Variants in C1orf116 observed in about 807,000 individuals in gnomAD.
C1orf116 encodes the protein specifically androgen-regulated gene protein.
Under a neutral mutation model 14.1 loss-of-function variants are expected in C1orf116, and 12 were observed. The observed-to-expected ratio is 0.85, with a 90% CI of 0.54 to 1.38. The LOEUF is 1.38. C1orf116 is among the 40% of genes most tolerant of loss of function. The pLI is 0.00. For synonymous variants in C1orf116, 296 were observed against 299.0 expected, an observed-to-expected ratio of 0.99 and a Z score of 0.10; for missense variants, 797 against 747.0, an observed-to-expected ratio of 1.07 and a Z score of -0.78.
chr1:207,028,011 G>A (rs979177045), intron 1 of C1orf116, among the ~76,000 whole-genome samples: 1 of 152,196 alleles, frequency 6.6e-6, no homozygotes, highest in Admixed American at 6.5e-5. Flanking sequence ...CTTGGGTTCT[G>A]GAGTTAGTTG....
At chr1:207,024,379 T>C (rs956063352) in intron 3 of C1orf116, among the ~76,000 whole-genome samples, 8 of 152,228 alleles carry the variant, frequency 5.3e-5, no homozygotes, top group Non-Finnish European at 1.2e-4. Context: ...CACTTGTGTG[T>C]TGTTTTGTTC....
intron 3 of C1orf116, 125 bp downstream of exon 3, chr1:207,024,762 T>A (rs1257604678): frequency 8.3e-7 from 1 of 1,202,732 alleles, no homozygotes; most frequent in East Asian, 2.4e-5. Context: ...TGGTGAGGAG[T>A]GTGGCTACAC....
intron 1 of C1orf116, 67 bp downstream of exon 1, chr1:207,032,512 C>A (rs1187191892): frequency 2.1e-6 from 2 of 965,684 alleles, no homozygotes; most frequent in Admixed American, 6.2e-5. Flanking sequence ...CCCTGTAGCT[C>A]TGATTTCCCA....
rs781554923 is a variant in C1orf116, at chr1:207,022,056, G to A, written c.1708C>T (p.Pro570Ser). The A allele has an allele frequency of 5.6e-6, 9 of 1,606,866 alleles. No individual in the cohort carries two copies. The highest frequency in any genetic ancestry group is 7.6e-6 in the Non-Finnish European group (9 of 1,176,736). Reference sequence around the variant, plus strand: ...TTGACACTGACACAGGGGGGGCGAGGAAGCTTGTCACGGCTCTGTCCTTGG... The same window carrying A: ...TTGACACTGACACAGGGGGGGCGAGAAAGCTTGTCACGGCTCTGTCCTTGG... ...SYQGQSRDKL[P>S]RPPCVSVKIS... The change falls in exon 4 of 4, where the codon CCT becomes TCT. Residue 570 changes from proline (P) to serine (S), a missense_variant. By Grantham distance (74) the Pro-to-Ser change is moderately conservative. Coordinates refer to ENST00000359470, the MANE Select transcript of C1orf116 (RefSeq NM_023938.6).
Position 207,019,806 on chromosome 1 carries a change from A to G in C1orf116, c.*2152T>C, listed in dbSNP as rs1681779478. 1 of 152,214 alleles carries G rather than the reference A, an allele frequency of 6.6e-6. No individual in the cohort carries two copies. The highest frequency in any genetic ancestry group is 2.4e-5 in the African/African-American group (1 of 41,446). 9.4% of individuals were successfully genotyped at this position (152,214 alleles called of 1,614,324 possible). A position where few individuals can be genotyped will look rare whatever the true frequency, so the allele number is the denominator to read the frequency against. The stretch of plus-strand genomic sequence containing the variant: ...CAGTAGGATGAGGATGCCTAGTGGC[A>G]GGTGCAGGATGTCTGTGACTTTGTC... On this transcript the variant is annotated 3_prime_UTR_variant, in exon 4 of 4. Transcript: ENST00000359470.
chr1:207,027,622 G>T lies in C1orf116; in HGVS notation c.-24C>A. On this transcript the variant is annotated 5_prime_UTR_variant, in exon 2 of 4. Coordinates refer to ENST00000359470, the MANE Select transcript of C1orf116 (RefSeq NM_023938.6). The stretch of plus-strand genomic sequence containing the variant: ...ATCACCCGAAACAAGGTGCAGGGAT[G>T]GCAAAGGGGGCTTCTAGAGGGGAAG... 1 of 1,608,622 alleles carries T rather than the reference G, an allele frequency of 6.2e-7. No individual in the cohort carries two copies. The highest frequency in any genetic ancestry group is 8.5e-7 in the Non-Finnish European group (1 of 1,179,370).
At chr1:207,024,567 C>G (rs1214781334) in intron 3 of C1orf116, among the ~76,000 whole-genome samples, 2 of 152,232 alleles carry the variant, frequency 1.3e-5, no homozygotes, top group African/African-American at 2.4e-5. Context: ...ACCACCCAGC[C>G]CTCCCTGACT....
At chr1:207,031,132 T>C (rs1682231726) in intron 1 of C1orf116, among the ~76,000 whole-genome samples, 1 of 152,210 alleles carries the variant, frequency 6.6e-6, no homozygotes, top group South Asian at 2.1e-4. Context: ...AATCCAGGTG[T>C]CTTTGCTTCT....
Position 207,023,012 on chromosome 1 carries a change from G to A in C1orf116, c.752C>T (p.Ala251Val). Residue 251 changes from alanine (A) to valine (V), a missense_variant, in exon 4 of 4, where the codon GCC becomes GTC. By Grantham distance (64) the Ala-to-Val change is moderately conservative. Coordinates refer to ENST00000359470, the MANE Select transcript of C1orf116 (RefSeq NM_023938.6). The stretch of plus-strand genomic sequence containing the variant: ...GTACCTGGTTGAGACTGTTTCCTTG[G>A]CTTTTTGGGACATGGCTTCTGAAGG... The part of the protein sequence containing the change: ...QTPSEAMSQK[A>V]KETVSTRYTQ... The A allele has an allele frequency of 6.2e-7, 1 of 1,613,896 alleles. No homozygotes were observed. The highest frequency in any genetic ancestry group is 8.5e-7 in the Non-Finnish European group (1 of 1,180,020).
At chr1:207,029,108 T>C (rs1013630441) in intron 1 of C1orf116, among the ~76,000 whole-genome samples, 2 of 151,960 alleles carry the variant, frequency 1.3e-5, no homozygotes, top group Non-Finnish European at 2.9e-5. Flanking sequence ...CAGCTTTCCA[T>C]CCCTATAGAG....
At chr1:207,027,429 G>A in intron 2 of C1orf116, 65 bp downstream of exon 2, 1 of 1,564,858 alleles carries the variant, frequency 6.4e-7, no homozygotes, top group East Asian at 2.3e-5. Context: ...AAAGGATAGG[G>A]CAGGGCAGGG....
At chr1:207,030,333 G>T (rs1377196570) in intron 1 of C1orf116, among the ~76,000 whole-genome samples, 1 of 152,120 alleles carries the variant, frequency 6.6e-6, no homozygotes. Context: ...CTGGATGCAA[G>T]AGGGGCATGC....
Position 207,027,696 on chromosome 1 carries a change from C to T in C1orf116, c.-81-17G>A. The T allele has an allele frequency of 6.5e-7, 1 of 1,533,222 alleles. No homozygotes were observed. Among genetic ancestry groups the T allele is most frequent in the South Asian group, 1.2e-5 (1 of 82,914 alleles). The allele number at this position is 1,533,222 out of a possible 1,614,324, so 95.0% of individuals were successfully genotyped here. Reference sequence around the variant, plus strand: ...AAGCCGGGCCTGAAAAGAGAAGAATCAAAGCCACACATGAGCCGAGGCTTC... The same window carrying T: ...AAGCCGGGCCTGAAAAGAGAAGAATTAAAGCCACACATGAGCCGAGGCTTC... On this transcript the variant is annotated splice_polypyrimidine_tract_variant and intron_variant, in intron 1 of 3. Transcript: ENST00000359470.
intron 1 of C1orf116, among the ~76,000 whole-genome samples, chr1:207,028,401 T>C (rs991920301): frequency 2.0e-5 from 3 of 152,232 alleles, no homozygotes; most frequent in Non-Finnish European, 2.9e-5. Flanking sequence ...AATTGTCACC[T>C]GCTATCACAG....
In C1orf116 at chr1:207,023,425, C is replaced by T; in HGVS notation, c.339G>A (p.Glu113=). Residue 113 remains glutamate (E), a synonymous_variant, in exon 4 of 4, where the codon GAG becomes GAA. Transcript: ENST00000359470. ...QQGRTPRTVT[E]SSSSHPPEPQ... The stretch of plus-strand genomic sequence containing the variant: ...GCTCAGGAGGGTGGGATGAGCTGGA[C>T]TCAGTTACTGTCCTTGGCGTTCGTC... The T allele has an allele frequency of 1.2e-6, 2 of 1,613,784 alleles. No homozygotes were observed. Among genetic ancestry groups the T allele is most frequent in the South Asian group, 1.1e-5 (1 of 91,074 alleles).
intron 1 of C1orf116, among the ~76,000 whole-genome samples, chr1:207,031,788 A>T (rs1394571738): frequency 6.6e-6 from 1 of 152,176 alleles, no homozygotes; most frequent in Non-Finnish European, 1.5e-5. Context: ...CTTGAGCCCC[A>T]CTTGGAACTC....
At chr1:207,029,071 G>A (rs1489688984) in intron 1 of C1orf116, among the ~76,000 whole-genome samples, 1 of 152,170 alleles carries the variant, frequency 6.6e-6, no homozygotes, top group African/African-American at 2.4e-5. Context: ...CAGTGCCAAA[G>A]TCAAGTTTGG....
intron 2 of C1orf116, among the ~76,000 whole-genome samples, chr1:207,025,571 G>A (rs1276763233): frequency 6.6e-6 from 1 of 152,202 alleles, no homozygotes; most frequent in Non-Finnish European, 1.5e-5. Flanking sequence ...GATCTGGTAT[G>A]TCAAGGGCAG....
rs1558040628 is a variant in C1orf116 at position 207,018,792 on chromosome 1, G to A, written c.*3166C>T. 1 of 152,256 alleles carries A rather than the reference G, an allele frequency of 6.6e-6. No homozygotes were observed. The allele number at this position is 152,256 out of a possible 1,614,324, so 9.4% of individuals were successfully genotyped here. A position where few individuals can be genotyped will look rare whatever the true frequency, so the allele number is the denominator to read the frequency against. ...TGTGTTCTATCTGCATTCCTGCTTA[G>A]ATTCTGCATGACTTCTCCTGTCCAT... On this transcript the variant is annotated 3_prime_UTR_variant, in exon 4 of 4. Transcript: ENST00000359470.
Sources: allele counts gnomAD v4.1 joint callset (sites outside exome capture counted in the v4.1 genomes callset), GRCh38; gene constraint gnomAD v4.1.1; transcripts MANE v1.5; gene names NCBI Gene and HGNC (gene_info 2026-07-23, HGNC 2026-07-21).